Variants in THSD7A observed in about 807,000 individuals in gnomAD.
THSD7A encodes the protein thrombospondin type 1 domain containing 7A, also known as thrombospondin type-1 domain-containing protein 7A.
A neutral mutation model predicts 231.3 loss-of-function variants in THSD7A; 96 were observed. The observed-to-expected ratio is 0.41, with a 90% CI of 0.35 to 0.49. The LOEUF (loss-of-function observed/expected upper bound fraction) is 0.49, where lower values mean the gene tolerates loss of function less well. Ranked by LOEUF, THSD7A falls within the 20% of genes least tolerant of loss-of-function variation. The pLI is 0.05. For synonymous variants in THSD7A, 940 were observed against 743.3 expected (o/e 1.26, Z -4.30); for missense variants, 2,290 against 2,070.2 (o/e 1.11, Z -2.06).
chr7:11,648,650 G>GTGTGTGTGTGTGTA (rs1782379571), intron 1 of THSD7A, among the ~76,000 whole-genome samples: 1 of 151,516 alleles, frequency 6.6e-6, no homozygotes, highest in Non-Finnish European at 1.5e-5. Context: ...GTGTGTGTGT[G>GTGTGTGTGTGTGTA]TGTGTGTGTG....
intron 4 of THSD7A, among the ~76,000 whole-genome samples, chr7:11,557,757 T>C (rs1270359512): frequency 7.9e-5 from 12 of 152,166 alleles, no homozygotes; most frequent in Non-Finnish European, 1.6e-4. Flanking sequence ...GGTTGCCTAA[T>C]TGTCTTCACT....
chr7:11,590,541 C>T lies in THSD7A; in HGVS notation c.1372G>A (p.Gly458Ser), dbSNP rs1780116593. 1.9e-6 allele frequency: 3 copies of T among 1,613,672 alleles called. No individual in the cohort carries two copies. The highest frequency in any genetic ancestry group is 1.3e-5 in the African/African-American group (1 of 74,870). ...RGNQTALCGG[G>S]IQTREVYCVQ... is the part of the protein sequence containing the mutation. ...CAGTACACCTCTCGGGTCTGGATGC[C>T]CCCTCCACAGAGGGCCGTCTGGTTG... Residue 458 changes from glycine (G) to serine (S), a missense_variant, in exon 4 of 28, where the codon GGC becomes AGC. Coordinates refer to ENST00000423059, the MANE Select transcript of THSD7A (RefSeq NM_015204.3). This position sits in a 1 kb window ranked among gnomAD's most constrained non-coding sequence, Gnocchi z 4.4.
chr7:11,538,973 A>T (rs1479282420), intron 6 of THSD7A, among the ~76,000 whole-genome samples: 1 of 152,214 alleles, frequency 6.6e-6, no homozygotes, highest in East Asian at 1.9e-4. Flanking sequence ...GGAATGTGGG[A>T]GCAAAAAAGT....
chr7:11,568,972 G>A (rs1337125450), intron 4 of THSD7A, among the ~76,000 whole-genome samples: 5 of 123,456 alleles, frequency 4.1e-5, no homozygotes, highest in Admixed American at 1.8e-4. Context: ...AAGCAATCCC[G>A]TTTACAATAG....
chr7:11,517,945 G>C (rs1374949459), intron 6 of THSD7A, among the ~76,000 whole-genome samples: 1 of 152,176 alleles, frequency 6.6e-6, no homozygotes, highest in Non-Finnish European at 1.5e-5. Flanking sequence ...GCCACAGATA[G>C]GTAAGACAGA....
chr7:11,655,286 T>A (rs1782662758), intron 1 of THSD7A, among the ~76,000 whole-genome samples: 1 of 151,934 alleles, frequency 6.6e-6, no homozygotes, highest in Admixed American at 6.6e-5. Context: ...AAGTATGCTG[T>A]AACACAGTCT....
At chr7:11,723,717 T>C (rs1221432433) in intron 1 of THSD7A, among the ~76,000 whole-genome samples, 2 of 151,842 alleles carry the variant, frequency 1.3e-5, no homozygotes, top group Non-Finnish European at 2.9e-5. Flanking sequence ...GGAAGAGCAT[T>C]TCAATAGAGG....
At chr7:11,452,895 A>G (rs958764458) in intron 11 of THSD7A, among the ~76,000 whole-genome samples, 2 of 152,060 alleles carry the variant, frequency 1.3e-5, no homozygotes, top group Admixed American at 6.6e-5. Context: ...ACTGCAGAGT[A>G]TAAAACCTGG....
chr7:11,647,597 C>T (rs1429671776), intron 1 of THSD7A, among the ~76,000 whole-genome samples: 1 of 152,006 alleles, frequency 6.6e-6, no homozygotes, highest in Non-Finnish European at 1.5e-5. Flanking sequence ...AAGATATATT[C>T]TTTTGAATAA....
At chr7:11,808,934 CA>C (rs1192950287) in intron 1 of THSD7A, among the ~76,000 whole-genome samples, 13 of 151,970 alleles carry the variant, frequency 8.6e-5, no homozygotes, top group African/African-American at 3.1e-4. Context: ...TTAAACCATA[CA>C]TATAGTAGAA....
chr7:11,574,300 G>C (rs1340928836), intron 4 of THSD7A, among the ~76,000 whole-genome samples: 3 of 152,100 alleles, frequency 2.0e-5, no homozygotes, highest in African/African-American at 7.2e-5. Flanking sequence ...GTGACAGCAG[G>C]AATAGTGTTT....
rs565983621 is a variant in THSD7A, at chr7:11,495,730, G to C, written c.1823-13748C>G. Among the ~76,000 whole-genome samples, 21 of 152,260 alleles carry C rather than the reference G, an allele frequency of 1.4e-4. 1 individual carries two copies. The South Asian group carries it at 4.3e-3, about 32-fold the overall frequency. On this transcript the variant is annotated intron_variant, in intron 6 of 27. Transcript: ENST00000423059. ...GGCTGCCTATGTGATCAAACAAGGA[G>C]AGAAGATGCAGGCAGAATGAGTTTC... is the stretch of plus-strand genomic sequence containing the variant.
chr7:11,475,636 T>C (rs987095461), intron 7 of THSD7A, among the ~76,000 whole-genome samples: 1 of 148,784 alleles, frequency 6.7e-6, no homozygotes, highest in Non-Finnish European at 1.5e-5. Context: ...AACATATATA[T>C]GCATACATGT....
intron 13 of THSD7A, among the ~76,000 whole-genome samples, chr7:11,432,624 G>A (rs764307589): frequency 6.6e-5 from 10 of 152,016 alleles, no homozygotes; most frequent in East Asian, 1.9e-4. Flanking sequence ...TTTTATCTAC[G>A]TTGGTGCATA....
At chr7:11,773,021 CAAT>C in intron 1 of THSD7A, among the ~76,000 whole-genome samples, 1 of 152,012 alleles carries the variant, frequency 6.6e-6, no homozygotes, top group Non-Finnish European at 1.5e-5. Context: ...CAGAAATCAA[CAAT>C]AATATTAATG....
intron 1 of THSD7A, among the ~76,000 whole-genome samples, chr7:11,748,100 G>A (rs1378102601): frequency 1.3e-5 from 2 of 151,928 alleles, no homozygotes; most frequent in African/African-American, 2.4e-5. Context: ...TTAAAGAGCA[G>A]CCCAGCACAG....
At chr7:11,407,757 A>G (rs548279419) in intron 19 of THSD7A, among the ~76,000 whole-genome samples, 9 of 152,316 alleles carry the variant, frequency 5.9e-5, no homozygotes, top group African/African-American at 2.2e-4. Context: ...AAGCATAAAT[A>G]CTTTCCATTA....
At chr7:11,400,042 T>C (rs1042317977) in intron 23 of THSD7A, among the ~76,000 whole-genome samples, 19 of 151,908 alleles carry the variant, frequency 1.3e-4, no homozygotes, top group Admixed American at 5.9e-4. Context: ...ACCATCATTC[T>C]GAGCAAACTA....
At chr7:11,638,392 T>C (rs1262762740) in intron 1 of THSD7A, among the ~76,000 whole-genome samples, 1 of 152,232 alleles carries the variant, frequency 6.6e-6, no homozygotes, top group Non-Finnish European at 1.5e-5. Flanking sequence ...GTTAGTTTCT[T>C]CTGTACATAA....
Sources: gnomAD v4.1 joint callset for allele counts (sites outside exome capture counted in the v4.1 genomes callset) on GRCh38, gnomAD v4.1.1 for gene constraint, Gnocchi (gnomAD v3.1) non-coding constraint, MANE v1.5 for transcripts, NCBI Gene and HGNC (gene_info 2026-07-23, HGNC 2026-07-21) for gene names.